The following VWDE variants were observed in gnomAD, a reference collection of about 807,000 sequenced individuals.
The protein encoded by VWDE is von Willebrand factor D and EGF domain-containing protein.
A neutral mutation model predicts 178.4 loss-of-function variants in VWDE; 207 were observed. The observed-to-expected ratio is 1.16, with a 90% confidence interval of 1.04 to 1.30. The LOEUF (loss-of-function observed/expected upper bound fraction) is 1.30, where lower values mean the gene tolerates loss of function less well. VWDE is among the 50% of genes most tolerant of loss of function. The pLI is 0.00. For missense variants in VWDE, 2,287 were observed against 1,901.3 expected (o/e 1.20, Z -3.77); for synonymous variants, 738 against 651.4 (o/e 1.13, Z -2.02).
intron 19 of VWDE, among the ~76,000 whole-genome samples, chr7:12,348,358 T>G (rs942596311): frequency 1.0e-3 from 150 of 147,128 alleles, no homozygotes; most frequent in Non-Finnish European, 2.0e-3. Context: ...GAATCTACAA[T>G]GAACTCAAAC....
intron 7 of VWDE, among the ~76,000 whole-genome samples, chr7:12,375,529 T>G (rs1033288074): frequency 6.6e-6 from 1 of 151,708 alleles, no homozygotes; most frequent in Non-Finnish European, 1.5e-5. Context: ...TAGATAAAAT[T>G]TATTCTTTTA....
chr7:12,366,567 C>A (rs142598667), intron 13 of VWDE, among the ~76,000 whole-genome samples: 1 of 152,058 alleles, frequency 6.6e-6, no homozygotes, highest in Non-Finnish European at 1.5e-5. Flanking sequence ...AAAGCCTCCA[C>A]CCATAAAATC....
chr7:12,359,512 C>G, intron 16 of VWDE, 66 bp downstream of exon 16: 1 of 1,116,772 alleles, frequency 9.0e-7, no homozygotes, highest in South Asian at 1.5e-5. Flanking sequence ...TACGTAACTT[C>G]TGGCTGAAAA....
chr7:12,381,123 A>C (rs1783832059), intron 4 of VWDE, among the ~76,000 whole-genome samples: 1 of 152,210 alleles, frequency 6.6e-6, no homozygotes, highest in Non-Finnish European at 1.5e-5. Flanking sequence ...GTAAAATCAA[A>C]TTACTTTCTC....
At chr7:12,399,527 G>A (rs989397367) in intron 1 of VWDE, among the ~76,000 whole-genome samples, 1 of 152,076 alleles carries the variant, frequency 6.6e-6, no homozygotes, top group African/African-American at 2.4e-5. Flanking sequence ...TTAAAAACAG[G>A]CAGCATAATA....
At chr7:12,383,330 A>G (rs571763858) in intron 4 of VWDE, among the ~76,000 whole-genome samples, 1 of 152,086 alleles carries the variant, frequency 6.6e-6, no homozygotes, top group African/African-American at 2.4e-5. Context: ...TAATACACAC[A>G]CGTTTGCCTA....
At chr7:12,347,116 G>T (rs933632926) in intron 19 of VWDE, among the ~76,000 whole-genome samples, 11 of 152,222 alleles carry the variant, frequency 7.2e-5, no homozygotes, top group African/African-American at 2.6e-4. Context: ...CAGCAAAAGT[G>T]CCCTGGACTA....
intron 2 of VWDE, among the ~76,000 whole-genome samples, chr7:12,390,611 T>C (rs1253782535): frequency 6.6e-6 from 1 of 151,672 alleles, no homozygotes; most frequent in African/African-American, 2.4e-5. Context: ...TATTGTGTTA[T>C]ATTTATGTAT....
intron 7 of VWDE, among the ~76,000 whole-genome samples, chr7:12,376,832 A>C (rs908211469): frequency 6.6e-6 from 1 of 152,030 alleles, no homozygotes; most frequent in Non-Finnish European, 1.5e-5. Flanking sequence ...GACCTCTCTT[A>C]ATTCCTCTAT....
Position 12,370,257 on chromosome 7 carries a change from C to T in VWDE, c.2049G>A (p.Lys683=). The T allele has an allele frequency of 6.4e-7, 1 of 1,550,958 alleles. No homozygotes were observed. The highest frequency in any genetic ancestry group is 1.2e-5 in the South Asian group (1 of 84,040). The change falls in exon 12 of 29, where the codon AAG becomes AAA. Residue 683 remains lysine, a synonymous_variant. Transcript: ENST00000275358. Reference sequence around the variant, plus strand: ...GATTATATTCTTCTGGAGATGTATGCTTGTTTATCTCTCTGACAAGAGTGT... The same window carrying T: ...GATTATATTCTTCTGGAGATGTATGTTTGTTTATCTCTCTGACAAGAGTGT... ...NSDTLVREIN[K]HTSPEEYNLN...
Position 12,340,200 on chromosome 7 carries a change from C to T in VWDE, c.4366+122G>A, listed in dbSNP as rs111701214. On this transcript the variant is annotated intron_variant, in intron 24 of 28. Transcript: ENST00000275358. ...AATTTGGTGGGCATACTTGAAACATCGCAAGAATTCTGGGGAAAAAATCGC... is the reference window on the plus strand; with the variant it reads ...AATTTGGTGGGCATACTTGAAACATTGCAAGAATTCTGGGGAAAAAATCGC... The T allele has an allele frequency of 2.6e-3, 1,841 of 719,426 alleles. 40 individuals carry two copies. The African/African-American group carries it at 0.031, about 12-fold the overall frequency. The allele number at this position is 719,426 out of a possible 1,614,324, so 44.6% of individuals were successfully genotyped here.
chr7:12,343,994 C>CT (rs566853838), intron 21 of VWDE, among the ~76,000 whole-genome samples: 72 of 152,052 alleles, frequency 4.7e-4, no homozygotes, highest in African/African-American at 1.6e-3. Context: ...CCTTGAATCT[C>CT]TGATTTCAGA....
At position 12,356,200 on chromosome 7, in the gene VWDE, A is replaced by C. The variant is rs752562274; in HGVS notation, c.3656T>G (p.Ile1219Ser). Reference protein sequence around the residue: ...GFHGSLCEVDISGCQSNPCGL... With the variant: ...GFHGSLCEVDSSGCQSNPCGL... Reference sequence around the variant, plus strand: ...ACAAGGGTTGGATTGGCACCCACTAATGTCCACTTCACAAAGGCTGCCATG... The same window carrying C: ...ACAAGGGTTGGATTGGCACCCACTACTGTCCACTTCACAAAGGCTGCCATG... Residue 1219 changes from isoleucine to serine, a missense_variant, in exon 18 of 29, where the codon ATT becomes AGT. Coordinates refer to ENST00000275358, the MANE Select transcript of VWDE (RefSeq NM_001135924.3). 1.4e-5 allele frequency: 22 copies of C among 1,551,456 alleles called. No individual in the cohort carries two copies. The South Asian group carries it at 1.9e-4, about 13-fold the overall frequency.
At chr7:12,334,112 CTATCTCAA>C (rs946450101) in intron 27 of VWDE, among the ~76,000 whole-genome samples, 138 of 152,170 alleles carry the variant, frequency 9.1e-4, no homozygotes, top group Middle Eastern at 3.4e-3. Flanking sequence ...ATACCTACAT[CTATCTCAA>C]TATCTCAATA....
chr7:12,367,238 C>G, intron 13 of VWDE, 119 bp downstream of exon 13: 1 of 723,790 alleles, frequency 1.4e-6, no homozygotes, highest in Non-Finnish European at 2.0e-6. Context: ...CTGTTCAGCT[C>G]TCTAGATATA....
At chr7:12,340,274 A>C in intron 24 of VWDE, 48 bp downstream of exon 24, 1 of 1,399,628 alleles carries the variant, frequency 7.1e-7, no homozygotes, top group Non-Finnish European at 9.9e-7. Flanking sequence ...CTCTGTTGAT[A>C]TCTAACTTTC....
In VWDE at chr7:12,370,408, G is replaced by A. The variant is rs868504200; in HGVS notation, c.1898C>T (p.Pro633Leu). The A allele has an allele frequency of 1.8e-5, 28 of 1,548,004 alleles. No homozygotes were observed. Among genetic ancestry groups the A allele is most frequent in the Middle Eastern group, 1.7e-4 (1 of 5,992 alleles). ...AACACTGTCCAGATCTTCGGAAGACGGATACGCTGCAGTGTCCAATGAACA... is the reference window on the plus strand; with the variant it reads ...AACACTGTCCAGATCTTCGGAAGACAGATACGCTGCAGTGTCCAATGAACA... ...CSCSLDTAAY[P>L]SSEDLDSVSR... The change falls in exon 12 of 29, where the codon CCG (proline) becomes CTG (leucine). Residue 633 changes from proline to leucine, a missense_variant. Transcript: ENST00000275358.
Position 12,383,708 on chromosome 7 carries a change from A to T in VWDE, c.476-107T>A, listed in dbSNP as rs1313516873. 3 of 937,698 alleles carry T rather than the reference A, an allele frequency of 3.2e-6. No homozygotes were observed. In the East Asian group the frequency reaches 8.4e-5, roughly 26 times the overall value. The allele number at this position is 937,698 out of a possible 1,614,324, so 58.1% of individuals were successfully genotyped here. On this transcript the variant is annotated intron_variant, in intron 3 of 28. Transcript: ENST00000275358. ...GAAGGATGATTTAATACAGACTAAGACTTTCTTAATTCTTCTCTTATTTCA... is the reference window on the plus strand; with the variant it reads ...GAAGGATGATTTAATACAGACTAAGTCTTTCTTAATTCTTCTCTTATTTCA...
intron 17 of VWDE, among the ~76,000 whole-genome samples, 182 bp downstream of exon 17, chr7:12,357,081 ACT>A (rs769713272): frequency 2.0e-4 from 31 of 152,098 alleles, no homozygotes; most frequent in Non-Finnish European, 1.9e-4. Flanking sequence ...TAGGCTTGAG[ACT>A]CTCTCTAAGG....
Sources: allele counts gnomAD v4.1 joint callset (sites outside exome capture counted in the v4.1 genomes callset), GRCh38; gene constraint gnomAD v4.1.1; transcripts MANE v1.5; gene names NCBI Gene and HGNC (gene_info 2026-07-23, HGNC 2026-07-21).